Variants in PTGR3 observed in about 807,000 individuals in gnomAD.
PTGR3 encodes prostaglandin reductase 3, also known as zinc binding alcohol dehydrogenase domain containing 2.
chr18:75,199,754 C>T, the PTGR3 span: 1 of 152,772 alleles, frequency 6.5e-6, no homozygotes, highest in South Asian at 2.1e-4. Flanking sequence ...AAAAGCGTCA[C>T]AGTGGCAATA....
the PTGR3 span, among the ~76,000 whole-genome samples, chr18:75,203,911 C>T: frequency 1.3e-5 from 2 of 152,226 alleles, no homozygotes; most frequent in African/African-American, 4.8e-5. Context: ...CCAGCTGGAG[C>T]CCGTCTCAGT....
chr18:75,206,298 G>C, the PTGR3 span, among the ~76,000 whole-genome samples: 1 of 152,246 alleles, frequency 6.6e-6, no homozygotes, highest in Admixed American at 6.5e-5. Context: ...TTTGTGCTAA[G>C]ATGCAATGAA....
chr18:75,202,254 T>A, the PTGR3 span: 1 of 1,614,130 alleles, frequency 6.2e-7, no homozygotes, highest in Non-Finnish European at 8.5e-7. Context: ...CCCAATGCCT[T>A]CGAAACCTAT....
the PTGR3 span, chr18:75,197,424 T>G: frequency 1.3e-5 from 2 of 152,008 alleles, no homozygotes; most frequent in South Asian, 4.1e-4. Context: ...GAATTAAAAA[T>G]AGAAAAAAAA....
chr18:75,203,579 G>A, the PTGR3 span, among the ~76,000 whole-genome samples: 1 of 152,110 alleles, frequency 6.6e-6, no homozygotes, highest in South Asian at 2.1e-4. Flanking sequence ...AACGCAGGGA[G>A]CAACTGCTTT....
chr18:75,204,487 A>T, the PTGR3 span, among the ~76,000 whole-genome samples: 7 of 152,148 alleles, frequency 4.6e-5, no homozygotes, highest in East Asian at 1.4e-3. Flanking sequence ...CACACCAAAC[A>T]TCGTGGTTAT....
chr18:75,201,451 C>A, the PTGR3 span: 2 of 1,612,896 alleles, frequency 1.2e-6, no homozygotes, highest in Non-Finnish European at 1.7e-6. Flanking sequence ...GGTAATTCAA[C>A]TACAATTTTT....
chr18:75,202,366 T>G, the PTGR3 span: 36 of 1,588,770 alleles, frequency 2.3e-5, no homozygotes, highest in East Asian at 8.1e-4. Context: ...CAAACAAATA[T>G]GTTACGATGG....
chr18:75,206,829 A>C, the PTGR3 span, among the ~76,000 whole-genome samples: 1 of 152,336 alleles, frequency 6.6e-6, no homozygotes, highest in South Asian at 2.1e-4. Flanking sequence ...CACATTGGGG[A>C]GCTCCAAACA....
At chr18:75,202,136 G>A in the PTGR3 span, 2 of 1,614,044 alleles carry the variant, frequency 1.2e-6, no homozygotes, top group African/African-American at 2.7e-5. Context: ...GAGTTGCAAT[G>A]CTGGCAGGCA....
At chr18:75,201,482 C>T in the PTGR3 span, 1 of 1,614,146 alleles carries the variant, frequency 6.2e-7, no homozygotes, top group African/African-American at 1.3e-5. Flanking sequence ...TTCCCATGTA[C>T]ATATAATTGA....
the PTGR3 span, among the ~76,000 whole-genome samples, chr18:75,206,996 G>C: frequency 6.6e-6 from 1 of 152,212 alleles, no homozygotes; most frequent in Admixed American, 6.5e-5. Context: ...GAAGGGGAAA[G>C]GGAGGGGTCC....
At chr18:75,208,761 C>T in the PTGR3 span, 4 of 1,199,694 alleles carry the variant, frequency 3.3e-6, no homozygotes, top group Non-Finnish European at 4.2e-6. Flanking sequence ...TGTGGGCACG[C>T]GGGCGGGCTG....
the PTGR3 span, chr18:75,208,565 G>A: frequency 1.8e-6 from 2 of 1,082,920 alleles, no homozygotes; most frequent in East Asian, 4.7e-5. Flanking sequence ...GGGAGGGGGA[G>A]GAGGGAGGGC....
At chr18:75,204,630 G>C in the PTGR3 span, among the ~76,000 whole-genome samples, 1 of 152,098 alleles carries the variant, frequency 6.6e-6, no homozygotes, top group South Asian at 2.1e-4. Context: ...GCAGTCCTAC[G>C]GCATCCCCAC....
chr18:75,201,781 C>T, the PTGR3 span: 1 of 1,614,220 alleles, frequency 6.2e-7, no homozygotes. Flanking sequence ...AGGGCGTCTA[C>T]AGCCAAGTCA....
the PTGR3 span, chr18:75,197,950 T>C: frequency 3.9e-5 from 6 of 152,258 alleles, no homozygotes; most frequent in African/African-American, 1.4e-4. Flanking sequence ...TCTACTTTTA[T>C]GTAAATCTGA....
the PTGR3 span, chr18:75,205,047 G>C: frequency 1.6e-6 from 1 of 638,258 alleles, no homozygotes; most frequent in Non-Finnish European, 2.0e-6. Context: ...GGCGGCTCGG[G>C]TGGCTCCTCG....
At chr18:75,205,806 G>T in the PTGR3 span, among the ~76,000 whole-genome samples, 1 of 151,982 alleles carries the variant, frequency 6.6e-6, no homozygotes, top group Non-Finnish European at 1.5e-5. Context: ...AAAAAAAGCG[G>T]GGGGGAGGGG....
Sources: gnomAD v4.1 joint callset for allele counts (sites outside exome capture counted in the v4.1 genomes callset) on GRCh38, gnomAD v4.1.1 for gene constraint, MANE v1.5 for transcripts, NCBI Gene and HGNC (gene_info 2026-07-23, HGNC 2026-07-21) for gene names.